Variants in P3H4 observed in about 807,000 individuals in gnomAD.
The protein encoded by P3H4 is prolyl 3-hydroxylase family member 4 (inactive), also known as endoplasmic reticulum protein SC65.
Under a neutral mutation model 52.9 loss-of-function variants are expected in P3H4, and 47 were observed. The observed-to-expected ratio is 0.89, with a 90% confidence interval of 0.70 to 1.13. The LOEUF is 1.13. P3H4 is among the 50% of genes most tolerant of loss of function. P3H4 has a pLI of 0.00. For synonymous variants in P3H4, 256 were observed against 267.9 expected (o/e 0.96, Z 0.44); for missense variants, 585 against 611.0 (o/e 0.96, Z 0.45).
At chr17:41,809,675 C>A in intron 4 of P3H4, 31 bp downstream of exon 4, 1 of 1,608,342 alleles carries the variant, frequency 6.2e-7, no homozygotes, top group South Asian at 1.1e-5. Flanking sequence ...ACCTCGTCCC[C>A]TGCCCAAGCC....
chr17:41,802,707 A>G lies in P3H4; in HGVS notation c.*250T>C. The stretch of plus-strand genomic sequence containing the variant: ...GCTGGGATTTCAGGCGCCTGCCACC[A>G]CACCCGGCTAATTTATGTATTTTAG... On this transcript the variant is annotated 3_prime_UTR_variant, in exon 8 of 8. Transcript: ENST00000393928. 2.4e-6 allele frequency: 1 copy of G among 416,712 alleles called. No individual in the cohort carries two copies. Among genetic ancestry groups the G allele is most frequent in the Non-Finnish European group, 4.2e-6 (1 of 236,812 alleles). 25.8% of individuals were successfully genotyped at this position (416,712 alleles called of 1,614,324 possible). A position where few individuals can be genotyped will look rare whatever the true frequency, so the allele number is the denominator to read the frequency against.
rs1555615144 is a variant in P3H4 at position 41,811,519 on chromosome 17, G to A, written c.397C>T (p.Arg133Trp). The stretch of plus-strand genomic sequence containing the variant: ...CTCTGGAAGTCACGCAGCAGCTGCC[G>A]CGGCGGGTAGGGCACCTGGAAGGCG... ...LPAFQVPYPP[R>W]QLLRDFQSRL... The change falls in exon 1 of 8, where the codon CGG becomes TGG. Residue 133 changes from arginine to tryptophan, a missense_variant. Physicochemically the swap from Arg to Trp is moderately radical, Grantham distance 101. Transcript: ENST00000393928. The surrounding 1 kb of genome is among the most constrained non-coding windows in gnomAD (Gnocchi z 4.8). 1 of 1,611,732 alleles carries A rather than the reference G, an allele frequency of 6.2e-7. No individual in the cohort carries two copies. The highest frequency in any genetic ancestry group is 1.1e-5 in the South Asian group (1 of 91,024).
chr17:41,804,709 C>T (rs992427783), intron 6 of P3H4, among the ~76,000 whole-genome samples: 26 of 152,160 alleles, frequency 1.7e-4, no homozygotes, highest in African/African-American at 6.3e-4. Flanking sequence ...GTGGCTCACG[C>T]CTGTAAACCT....
At position 41,803,975 on chromosome 17, in the gene P3H4, C is replaced by T. The variant is rs1328533647; in HGVS notation, c.1147-544G>A. Among the ~76,000 whole-genome samples, 11 of 142,892 alleles carry T rather than the reference C, an allele frequency of 7.7e-5. No homozygotes were observed. The South Asian group carries it at 2.2e-3, about 29-fold the overall frequency. The allele number at this position is 142,892 out of a possible 152,430, so 93.7% of individuals were successfully genotyped here. ...TCCTTTTTTTTTTTTTTTTTTGAGA[C>T]GGAGTCTGCTCTGTTGCCCAGGCTG... On this transcript the variant is annotated intron_variant, in intron 6 of 7. Transcript: ENST00000393928.
At chr17:41,807,074 CAA>C (rs1417595015) in intron 5 of P3H4, 195 bp from the exon 6 acceptor site, 26 of 577,234 alleles carry the variant, frequency 4.5e-5, no homozygotes, top group Non-Finnish European at 7.1e-5. Flanking sequence ...AGTTTGGTGA[CAA>C]AGAGTCCCTC....
intron 3 of P3H4, chr17:41,810,620 T>TG: frequency 2.0e-6 from 1 of 512,290 alleles, no homozygotes; most frequent in Non-Finnish European, 3.5e-6. Flanking sequence ...GCCCTCTGCC[T>TG]GGAAGGCCTA....
At chr17:41,806,273 C>T (rs2047673811) in intron 6 of P3H4, among the ~76,000 whole-genome samples, 1 of 152,106 alleles carries the variant, frequency 6.6e-6, no homozygotes, top group Non-Finnish European at 1.5e-5. Context: ...CAATACGGTC[C>T]TTCTGTCCTG....
chr17:41,809,074 T>C (rs940804091), intron 4 of P3H4, among the ~76,000 whole-genome samples: 4 of 152,198 alleles, frequency 2.6e-5, no homozygotes, highest in African/African-American at 4.8e-5. Flanking sequence ...GGTCCAGTAA[T>C]GCCAGCTGCA....
Position 41,810,980 on chromosome 17 carries a change from T to A in P3H4, c.670A>T (p.Thr224Ser), listed in dbSNP as rs1555614931. The A allele has an allele frequency of 1.2e-6, 2 of 1,614,032 alleles. No homozygotes were observed. The highest frequency in any genetic ancestry group is 4.5e-5 in the East Asian group (2 of 44,888). Residue 224 changes from threonine (T) to serine (S), a missense_variant, in exon 3 of 8, where the codon ACG becomes TCG. Physicochemically the swap from Thr to Ser is moderately conservative, Grantham distance 58. Coordinates refer to ENST00000393928, the MANE Select transcript of P3H4 (RefSeq NM_006455.3). ...GACAAGGCCCGCTCCATGTCCTCCG[T>A]GCTGCTGCGGAAATCCCCGCTGTTG... ...LYNSGDFRSS[T>S]EDMERALSEY... is the part of the protein sequence containing the mutation.
intron 6 of P3H4, among the ~76,000 whole-genome samples, chr17:41,805,542 C>T (rs1023835556): frequency 6.6e-6 from 1 of 151,934 alleles, no homozygotes; most frequent in African/African-American, 2.4e-5. Context: ...CCAGGCTCGT[C>T]TTGAACTCCT....
At chr17:41,808,390 T>C (rs541611895) in intron 4 of P3H4, among the ~76,000 whole-genome samples, 94 of 152,224 alleles carry the variant, frequency 6.2e-4, no homozygotes, top group South Asian at 1.0e-3. Context: ...ATTTTTTGTA[T>C]GTTTTTGTTT....
intron 7 of P3H4, 62 bp downstream of exon 7, chr17:41,803,225 C>T (rs1567846859): frequency 2.5e-6 from 4 of 1,569,144 alleles, no homozygotes; most frequent in Admixed American, 1.8e-5. Context: ...CGGGTGAATG[C>T]ATCTGTCCCC....
At chr17:41,807,034 T>A in intron 5 of P3H4, 155 bp from the exon 6 acceptor site, 2 of 616,478 alleles carry the variant, frequency 3.2e-6, no homozygotes, top group Middle Eastern at 4.3e-4. Context: ...TCATCGTGGC[T>A]GCTTGGAACA....
In P3H4 at chr17:41,803,381, A is replaced by G; in HGVS notation, c.1197T>C (p.Ser399=). The change falls in exon 7 of 8, where the codon TCT becomes TCC. Residue 399 remains serine (S), a synonymous_variant. Transcript: ENST00000393928. ...EPPLEPEDAL[S]DAEFEGEGDY... is the part of the protein sequence containing the mutation. The stretch of plus-strand genomic sequence containing the variant: ...CACCCTCCCCCTCAAACTCGGCGTC[A>G]GATAGGGCATCCTCAGGCTCCAGGG... 6.2e-7 allele frequency: 1 copy of G among 1,613,974 alleles called. No homozygotes were observed.
At chr17:41,806,936 A>G in intron 5 of P3H4, 57 bp from the exon 6 acceptor site, 1 of 1,384,334 alleles carries the variant, frequency 7.2e-7, no homozygotes, top group African/African-American at 1.4e-5. Context: ...CCAGATGGCA[A>G]GAAGCCAGGG....
In P3H4 at chr17:41,811,054, G is replaced by T. The variant is rs1227540523; in HGVS notation, c.616-20C>A. 6.2e-7 allele frequency: 1 copy of T among 1,608,382 alleles called. No individual in the cohort carries two copies. The highest frequency in any genetic ancestry group is 8.5e-7 in the Non-Finnish European group (1 of 1,175,708). ...CACGGCCTGGAAGGGGCGTGGCAGG[G>T]GGAGTCAGGGCGCCCCCAACATCTC... is the stretch of plus-strand genomic sequence containing the variant. On this transcript the variant is annotated intron_variant, in intron 2 of 7. Coordinates refer to ENST00000393928, the MANE Select transcript of P3H4 (RefSeq NM_006455.3). The surrounding 1 kb of genome is among the most constrained non-coding windows in gnomAD (Gnocchi z 4.8).
chr17:41,803,480 A>C, intron 6 of P3H4, 49 bp from the exon 7 acceptor site: 1 of 1,571,812 alleles, frequency 6.4e-7, no homozygotes, highest in Non-Finnish European at 8.7e-7. Flanking sequence ...AGTACGCCCA[A>C]ACCCATATGG....
intron 6 of P3H4, 42 bp downstream of exon 6, chr17:41,806,754 G>C: frequency 1.3e-6 from 2 of 1,544,710 alleles, no homozygotes; most frequent in South Asian, 2.3e-5. Flanking sequence ...GGTCCAAGGT[G>C]TCCCCATCAC....
At chr17:41,808,156 T>A (rs1555614476) in intron 4 of P3H4, 152 bp from the exon 5 acceptor site, 9 of 921,106 alleles carry the variant, frequency 9.8e-6, no homozygotes, top group African/African-American at 1.7e-5. Flanking sequence ...CCAGCTAGCA[T>A]GTAGTGGGCA....
Sources: gnomAD v4.1 joint callset for allele counts (sites outside exome capture counted in the v4.1 genomes callset) on GRCh38, gnomAD v4.1.1 for gene constraint, Gnocchi (gnomAD v3.1) non-coding constraint, MANE v1.5 for transcripts, NCBI Gene and HGNC (gene_info 2026-07-23, HGNC 2026-07-21) for gene names.